Variants in KCNIP4 observed in about 807,000 individuals in gnomAD.
KCNIP4 encodes the protein potassium voltage-gated channel interacting protein 4.
In KCNIP4, 12 loss-of-function variants were observed where a neutral mutation model predicts 34.0. The ratio of observed to expected loss-of-function variants is 0.35; its 90% CI spans 0.23 to 0.57. KCNIP4 has a LOEUF of 0.57. Among genes scored for constraint, KCNIP4 ranks in the 20% least tolerant of loss-of-function variants. The pLI, the probability that KCNIP4 is intolerant of heterozygous loss-of-function variation, is 0.83. For missense variants in KCNIP4, 238 were observed against 311.7 expected (o/e 0.76, Z 1.78); for synonymous variants, 124 against 102.2 (o/e 1.21, Z -1.29).
At chr4:21,560,627 T>A (rs1739429354) in intron 1 of KCNIP4, among the ~76,000 whole-genome samples, 1 of 152,090 alleles carries the variant, frequency 6.6e-6, no homozygotes, top group African/African-American at 2.4e-5. Context: ...CTCTTACTCA[T>A]GGAACACTGT....
chr4:21,225,343 C>T (rs551951119), intron 1 of KCNIP4, among the ~76,000 whole-genome samples: 5 of 152,196 alleles, frequency 3.3e-5, no homozygotes, highest in Admixed American at 3.3e-4. Flanking sequence ...TTTTGTTAAA[C>T]TCAGGGGTTT....
chr4:21,281,238 C>T (rs1403623728), intron 1 of KCNIP4, among the ~76,000 whole-genome samples: 1 of 151,904 alleles, frequency 6.6e-6, no homozygotes, highest in Admixed American at 6.6e-5. Flanking sequence ...AGGCACGCAC[C>T]ACCACGCCCA....
chr4:21,916,435 T>C (rs961757409), intron 1 of KCNIP4, among the ~76,000 whole-genome samples: 5 of 152,218 alleles, frequency 3.3e-5, no homozygotes, highest in Admixed American at 6.5e-5. Flanking sequence ...CTTTAAAAAC[T>C]TTATTCAGAA....
intron 1 of KCNIP4, among the ~76,000 whole-genome samples, chr4:21,829,261 A>G (rs904747664): frequency 2.6e-5 from 4 of 152,022 alleles, no homozygotes; most frequent in Non-Finnish European, 4.4e-5. Flanking sequence ...TTGTAAAGTA[A>G]AAAAAATCAT....
At chr4:21,172,225 T>TTTCACCACA (rs1422416684) in intron 1 of KCNIP4, among the ~76,000 whole-genome samples, 1 of 151,688 alleles carries the variant, frequency 6.6e-6, no homozygotes, top group African/African-American at 2.4e-5. Flanking sequence ...AGAGAAGGGG[T>TTTCACCACA]TTCACCACAT....
chr4:21,626,193 A>C (rs1745308363), intron 1 of KCNIP4, among the ~76,000 whole-genome samples: 1 of 152,086 alleles, frequency 6.6e-6, no homozygotes, highest in African/African-American at 2.4e-5. Flanking sequence ...TGAGCAGTTA[A>C]GGGAGGAAGT....
At chr4:21,385,025 G>A (rs1721889211) in intron 1 of KCNIP4, among the ~76,000 whole-genome samples, 1 of 152,132 alleles carries the variant, frequency 6.6e-6, no homozygotes. Context: ...TACACTTTAT[G>A]GAACAGGGTT....
At chr4:21,471,110 G>A (rs1730431381) in intron 1 of KCNIP4, among the ~76,000 whole-genome samples, 1 of 152,122 alleles carries the variant, frequency 6.6e-6, no homozygotes, top group Admixed American at 6.6e-5. Context: ...GGAGATTGTG[G>A]TGCATGCTTA....
intron 1 of KCNIP4, among the ~76,000 whole-genome samples, chr4:21,332,677 C>T (rs1715775803): frequency 6.6e-6 from 1 of 151,906 alleles, no homozygotes; most frequent in African/African-American, 2.4e-5. Context: ...TTAAACCCTT[C>T]TCTCCATTTC....
At chr4:21,812,548 A>C (rs188707871) in intron 1 of KCNIP4, among the ~76,000 whole-genome samples, 1 of 152,224 alleles carries the variant, frequency 6.6e-6, no homozygotes, top group Non-Finnish European at 1.5e-5. Flanking sequence ...GTCAGCATCC[A>C]TAAGAGTTGT....
At chr4:21,376,653 T>C (rs1434890156) in intron 1 of KCNIP4, among the ~76,000 whole-genome samples, 1 of 152,222 alleles carries the variant, frequency 6.6e-6, no homozygotes, top group African/African-American at 2.4e-5. Context: ...CCTTCAGACC[T>C]GTATCATGAA....
intron 1 of KCNIP4, among the ~76,000 whole-genome samples, chr4:21,381,538 TC>T (rs1161535217): frequency 1.3e-5 from 2 of 152,228 alleles, no homozygotes; most frequent in East Asian, 3.8e-4. Flanking sequence ...TTGAATGTTG[TC>T]ACTGAAATCA....
intron 1 of KCNIP4, among the ~76,000 whole-genome samples, chr4:21,700,127 T>C (rs1712716415): frequency 6.6e-6 from 1 of 152,194 alleles, no homozygotes; most frequent in Non-Finnish European, 1.5e-5. Context: ...TGCTGGATCG[T>C]ATGATAATTG....
intron 1 of KCNIP4, among the ~76,000 whole-genome samples, chr4:21,715,353 C>A (rs1458483099): frequency 2.0e-5 from 3 of 151,990 alleles, no homozygotes; most frequent in Non-Finnish European, 4.4e-5. Context: ...GATGGTCTTG[C>A]TCTCCTGACC....
chr4:21,108,243 A>G (rs1748773101), intron 1 of KCNIP4, among the ~76,000 whole-genome samples: 1 of 147,804 alleles, frequency 6.8e-6, no homozygotes, highest in East Asian at 2.0e-4. Context: ...TACACCAATC[A>G]GACGTAGATT....
rs186209166 is a variant in KCNIP4 at position 21,237,336 on chromosome 4, G to C, written c.62-354627C>G. ...AATGAACAAACACATATATAAACGA[G>C]TTCAGGCACTTACAAGTGCTATAAA... is the stretch of plus-strand genomic sequence containing the variant. On this transcript the variant is annotated intron_variant, in intron 1 of 8. Coordinates refer to ENST00000382152, the MANE Select transcript of KCNIP4 (RefSeq NM_025221.6). 1.4e-3 allele frequency among the ~76,000 whole-genome samples: 215 copies of C among 152,166 alleles called. 2 individuals carry two copies. Among genetic ancestry groups the C allele is most frequent in the East Asian group, 6.2e-3 (32 of 5,160 alleles).
intron 3 of KCNIP4, among the ~76,000 whole-genome samples, chr4:20,772,874 T>C (rs1756036045): frequency 6.6e-6 from 1 of 152,024 alleles, no homozygotes; most frequent in Non-Finnish European, 1.5e-5. Flanking sequence ...CCTCAGGTGA[T>C]CCGTCCACTT....
At chr4:21,804,971 G>A (rs1279942320) in intron 1 of KCNIP4, among the ~76,000 whole-genome samples, 1 of 152,138 alleles carries the variant, frequency 6.6e-6, no homozygotes, top group Non-Finnish European at 1.5e-5. Context: ...ATTCAATGGA[G>A]AAGAAAAAGA....
chr4:21,617,970 T>C (rs1744718065), intron 1 of KCNIP4, among the ~76,000 whole-genome samples: 1 of 152,178 alleles, frequency 6.6e-6, no homozygotes, highest in South Asian at 2.1e-4. Flanking sequence ...ACAAAAACTT[T>C]TACAGAAGCT....
Sources: gnomAD v4.1 joint callset for allele counts (sites outside exome capture counted in the v4.1 genomes callset) on GRCh38, gnomAD v4.1.1 for gene constraint, MANE v1.5 for transcripts, NCBI Gene and HGNC (gene_info 2026-07-23, HGNC 2026-07-21) for gene names.